ARHGAP24: variants seen among roughly 807,000 people sequenced by gnomAD.
ARHGAP24 encodes Rho GTPase activating protein 24, also known as rho GTPase-activating protein 24.
Under a neutral mutation model 76.4 loss-of-function variants are expected in ARHGAP24, and 50 were observed. The ratio of observed to expected loss-of-function variants is 0.65; its 90% confidence interval spans 0.52 to 0.83. ARHGAP24 has a LOEUF of 0.83. Among genes scored for constraint, ARHGAP24 ranks in the 40% least tolerant of loss-of-function variants. The pLI is 0.00. For synonymous variants in ARHGAP24, 345 were observed against 323.3 expected (o/e 1.07, Z -0.72); for missense variants, 930 against 914.2 (o/e 1.02, Z -0.22).
chr4:85,946,539 T>TA (rs1737276478), intron 5 of ARHGAP24, among the ~76,000 whole-genome samples: 1 of 152,194 alleles, frequency 6.6e-6, no homozygotes. Context: ...TGTCCATGTT[T>TA]ACCCAATGTT....
chr4:85,660,928 C>T (rs1199079532), intron 2 of ARHGAP24, among the ~76,000 whole-genome samples: 4 of 151,382 alleles, frequency 2.6e-5, no homozygotes, highest in Admixed American at 6.6e-5. Flanking sequence ...TTCATCTTCA[C>T]TTACACCACT....
rs70948739 is a variant in ARHGAP24 at position 85,612,792 on chromosome 4, C to CTT, written c.180+42092_180+42093dup. Among the ~76,000 whole-genome samples the CTT allele has an allele frequency of 6.6e-3, 544 of 82,764 alleles. 12 individuals carry two copies. The highest frequency in any genetic ancestry group is 0.015 in the African/African-American group (309 of 21,102). The allele number at this position is 82,764 out of a possible 152,430, so 54.3% of individuals were successfully genotyped here. On this transcript the variant is annotated intron_variant, in intron 2 of 9. Transcript: ENST00000395184. ...AGCTAAAGCCCTATCCTTTCCATTCCTTTTTTTTTTTTTTTTTTTTTTGTG... is the reference window on the plus strand; with the variant it reads ...AGCTAAAGCCCTATCCTTTCCATTCCTTTTTTTTTTTTTTTTTTTTTTTTGTG...
At chr4:85,790,278 C>T (rs2110094399) in intron 3 of ARHGAP24, among the ~76,000 whole-genome samples, 1 of 152,226 alleles carries the variant, frequency 6.6e-6, no homozygotes, top group Non-Finnish European at 1.5e-5. Context: ...ATGTAGCACA[C>T]AAATCATTCT....
chr4:85,747,723 A>ACAAG (rs540836737), intron 3 of ARHGAP24, among the ~76,000 whole-genome samples: 4,656 of 151,780 alleles, frequency 0.031, 210 homozygotes, highest in African/African-American at 0.11. Context: ...AAACAAACAA[A>ACAAG]CAAACAAGCA....
chr4:85,782,404 A>G (rs998056747), intron 3 of ARHGAP24, among the ~76,000 whole-genome samples: 39 of 152,258 alleles, frequency 2.6e-4, no homozygotes, highest in African/African-American at 8.7e-4. Context: ...TTCGATTTAG[A>G]AAGATACTTT....
At chr4:85,984,386 C>G (rs1275223489) in intron 8 of ARHGAP24, among the ~76,000 whole-genome samples, 1 of 152,136 alleles carries the variant, frequency 6.6e-6, no homozygotes, top group African/African-American at 2.4e-5. Flanking sequence ...CTGGTGAGGA[C>G]CCATTTCCTG....
chr4:85,921,014 A>G (rs1735691907), intron 3 of ARHGAP24, among the ~76,000 whole-genome samples: 1 of 152,172 alleles, frequency 6.6e-6, no homozygotes, highest in East Asian at 1.9e-4. Context: ...TGACCAAGCA[A>G]TCCCATTATT....
chr4:85,989,149 C>A (rs1394608998), intron 8 of ARHGAP24, among the ~76,000 whole-genome samples: 1 of 151,380 alleles, frequency 6.6e-6, no homozygotes, highest in Non-Finnish European at 1.5e-5. Context: ...TAAAACTCAT[C>A]GTACTGATCA....
chr4:85,675,803 C>T (rs1321734973), intron 2 of ARHGAP24, among the ~76,000 whole-genome samples: 1 of 152,152 alleles, frequency 6.6e-6, no homozygotes, highest in Non-Finnish European at 1.5e-5. Context: ...TTTGAACATT[C>T]CTCTGATGTT....
intron 3 of ARHGAP24, among the ~76,000 whole-genome samples, chr4:85,903,022 A>AT (rs773090227): frequency 7.9e-5 from 12 of 152,172 alleles, no homozygotes; most frequent in African/African-American, 2.9e-4. Context: ...TTCTTTTTGT[A>AT]TTTTTTCTCC....
intron 3 of ARHGAP24, among the ~76,000 whole-genome samples, chr4:85,775,570 G>A (rs900137400): frequency 1.1e-4 from 16 of 152,116 alleles, no homozygotes; most frequent in African/African-American, 3.9e-4. Flanking sequence ...CAGTATGGGG[G>A]AAACTGTCCC....
chr4:85,783,936 T>C (rs746103942), intron 3 of ARHGAP24, among the ~76,000 whole-genome samples: 16 of 152,220 alleles, frequency 1.1e-4, no homozygotes, highest in Admixed American at 3.3e-4. Context: ...TGCACAACGA[T>C]GTTCAGGCCT....
chr4:85,636,393 G>T (rs1721308636), intron 2 of ARHGAP24, among the ~76,000 whole-genome samples: 1 of 151,810 alleles, frequency 6.6e-6, no homozygotes, highest in Admixed American at 6.6e-5. Context: ...CCTGACACTT[G>T]AGTGTTCTGC....
intron 3 of ARHGAP24, among the ~76,000 whole-genome samples, chr4:85,809,357 A>G (rs1578249096): frequency 6.6e-6 from 1 of 152,298 alleles, no homozygotes; most frequent in Non-Finnish European, 1.5e-5. Flanking sequence ...AGAAATATAC[A>G]TACCCATCTG....
chr4:85,662,670 A>C (rs1578120494), intron 2 of ARHGAP24, among the ~76,000 whole-genome samples: 2 of 152,006 alleles, frequency 1.3e-5, no homozygotes, highest in South Asian at 4.1e-4. Flanking sequence ...TTAAGTCTTT[A>C]ATCCATCTTG....
chr4:85,723,028 T>C (rs1725014913), intron 3 of ARHGAP24, among the ~76,000 whole-genome samples: 1 of 152,176 alleles, frequency 6.6e-6, no homozygotes, highest in South Asian at 2.1e-4. Context: ...TCAGATGCAA[T>C]GTGTTATTTG....
rs1740979876 is a variant in ARHGAP24 at position 86,000,819 on chromosome 4, A to G, written c.*97A>G. ...ACCAGGTGGCTGGTCACCTGGATGT[A>G]CAGAAGTCTAACTGGTGAAGGAATA... On this transcript the variant is annotated 3_prime_UTR_variant, in exon 10 of 10. Coordinates refer to ENST00000395184, the MANE Select transcript of ARHGAP24 (RefSeq NM_001025616.3). The G allele has an allele frequency of 6.4e-7, 1 of 1,551,614 alleles. No homozygotes were observed. The highest frequency in any genetic ancestry group is 8.8e-7 in the Non-Finnish European group (1 of 1,133,310).
chr4:85,800,501 C>A (rs1435597946), intron 3 of ARHGAP24, among the ~76,000 whole-genome samples: 3 of 145,296 alleles, frequency 2.1e-5, no homozygotes, highest in Admixed American at 7.1e-5. Context: ...AGAAGAAGAA[C>A]AGGAGGAGGA....
chr4:85,612,116 A>ACACACACG (rs1212227133), intron 2 of ARHGAP24, among the ~76,000 whole-genome samples: 10 of 130,122 alleles, frequency 7.7e-5, no homozygotes, highest in Non-Finnish European at 8.7e-5. Context: ...ACACACACAC[A>ACACACACG]CACACAGACC....
Sources: gnomAD v4.1 joint callset for allele counts (sites outside exome capture counted in the v4.1 genomes callset) on GRCh38, gnomAD v4.1.1 for gene constraint, MANE v1.5 for transcripts, NCBI Gene and HGNC (gene_info 2026-07-23, HGNC 2026-07-21) for gene names.